Variants in FTO observed in about 807,000 individuals in gnomAD.
The protein encoded by FTO is FTO alpha-ketoglutarate dependent dioxygenase.
In FTO, 47 loss-of-function variants were observed where a neutral mutation model predicts 63.9. The observed-to-expected ratio is 0.74, with a 90% confidence interval of 0.58 to 0.94. The LOEUF is 0.94. Among genes scored for constraint, FTO ranks in the 40% least tolerant of loss-of-function variants. The probability of loss-of-function intolerance (pLI) is 0.00; values close to 1 mark genes in which losing one functional copy is unlikely to be tolerated. For synonymous variants in FTO, 207 were observed against 224.4 expected, an observed-to-expected ratio of 0.92 and a Z score of 0.69; for missense variants, 562 against 618.1, an observed-to-expected ratio of 0.91 and a Z score of 0.96.
intron 1 of FTO, among the ~76,000 whole-genome samples, chr16:53,792,994 T>G (rs1331235508): frequency 1.3e-5 from 2 of 152,190 alleles, no homozygotes; most frequent in Non-Finnish European, 2.9e-5. Flanking sequence ...GGAAGAATCT[T>G]GGGTAAGTGT....
chr16:54,115,724 C>T lies in FTO; in HGVS notation c.*3809C>T, dbSNP rs2086970278. On this transcript the variant is annotated 3_prime_UTR_variant, in exon 9 of 9. Transcript: ENST00000471389. ...CGGGAGCCGCTCGGGTTTTATTCCA[C>T]ACACCCCAGGAAGCATGAGAGGGTT... is the stretch of plus-strand genomic sequence containing the variant. 1 of 152,288 alleles carries T rather than the reference C, an allele frequency of 6.6e-6. No homozygotes were observed. The highest frequency in any genetic ancestry group is 2.4e-5 in the African/African-American group (1 of 41,422). 9.4% of individuals were successfully genotyped at this position (152,288 alleles called of 1,614,324 possible).
Position 53,998,009 on chromosome 16 carries a change from G to A in FTO, c.1364+63900G>A, listed in dbSNP as rs562860537. On this transcript the variant is annotated intron_variant, in intron 8 of 8. Transcript: ENST00000471389. ...CTGTCCAAGATGGGGCCACTGTCTA[G>A]CGCACTTCCTAGGATAGATTTGTCC... Among the ~76,000 whole-genome samples the A allele has an allele frequency of 1.7e-3, 266 of 152,240 alleles. 1 individual carries two copies. The highest frequency in any genetic ancestry group is 3.3e-3 in the Admixed American group (51 of 15,300).
intron 8 of FTO, among the ~76,000 whole-genome samples, chr16:54,002,122 T>C (rs536379573): frequency 3.2e-4 from 49 of 152,338 alleles, no homozygotes; most frequent in African/African-American, 1.1e-3. Flanking sequence ...TAAAGCTAAA[T>C]GCATGTTTAT....
In FTO at chr16:53,946,188, A is replaced by G. The variant is rs527424262; in HGVS notation, c.1364+12079A>G. Reference sequence around the variant, plus strand: ...GGACAAAAAAAACAAAACCAAACAAATCAGAAAACAAAAAAAAATAGTTGA... The same window carrying G: ...GGACAAAAAAAACAAAACCAAACAAGTCAGAAAACAAAAAAAAATAGTTGA... On this transcript the variant is annotated intron_variant, in intron 8 of 8. Coordinates refer to ENST00000471389, the MANE Select transcript of FTO (RefSeq NM_001080432.3). Among the ~76,000 whole-genome samples, 3 of 151,970 alleles carry G rather than the reference A, an allele frequency of 2.0e-5. 1 individual carries two copies. Among genetic ancestry groups the G allele is most frequent in the African/African-American group, 7.3e-5 (3 of 41,232 alleles).
At position 53,830,354 on chromosome 16, in the gene FTO, A is replaced by G. The variant is rs117706215; in HGVS notation, c.751+3863A>G. 6.4e-4 allele frequency among the ~76,000 whole-genome samples: 97 copies of G among 152,284 alleles called. No homozygotes were observed. The East Asian group carries it at 0.016, about 25-fold the overall frequency. ...TTGCTTGTTACTCCTAGCTATAAAA[A>G]ACGAACTTTAGCGGGGAAGGCATTA... is the stretch of plus-strand genomic sequence containing the variant. On this transcript the variant is annotated intron_variant, in intron 3 of 8. Coordinates refer to ENST00000471389, the MANE Select transcript of FTO (RefSeq NM_001080432.3).
intron 7 of FTO, among the ~76,000 whole-genome samples, chr16:53,895,386 A>C (rs2081254784): frequency 6.6e-6 from 1 of 152,176 alleles, no homozygotes; most frequent in African/African-American, 2.4e-5. Context: ...TGTGCTTCGA[A>C]AGCACAAAGG....
Position 54,120,535 on chromosome 16 carries a change from C to A in FTO, c.*8620C>A, listed in dbSNP as rs1378398842. The A allele has an allele frequency of 6.6e-6, 1 of 152,174 alleles. No homozygotes were observed. The highest frequency in any genetic ancestry group is 2.4e-5 in the African/African-American group (1 of 41,416). 9.4% of individuals were successfully genotyped at this position (152,174 alleles called of 1,614,324 possible). A position where few individuals can be genotyped will look rare whatever the true frequency, so the allele number is the denominator to read the frequency against. ...GTTACCACATTTGCAAAGGCACATA[C>A]CCCAAAGAGAAGTTTTTAATATGTC... On this transcript the variant is annotated 3_prime_UTR_variant, in exon 9 of 9. Transcript: ENST00000471389.
At chr16:54,084,846 A>G (rs2086226414) in intron 8 of FTO, among the ~76,000 whole-genome samples, 1 of 152,218 alleles carries the variant, frequency 6.6e-6, no homozygotes, top group African/African-American at 2.4e-5. Flanking sequence ...TGCCTGGGAG[A>G]CTGGGTCTGT....
chr16:54,072,884 C>T (rs1190318404), intron 8 of FTO, among the ~76,000 whole-genome samples: 1 of 152,154 alleles, frequency 6.6e-6, no homozygotes, highest in Non-Finnish European at 1.5e-5. Flanking sequence ...TCTAAATCAT[C>T]CCCTGCTATT....
chr16:53,804,396 T>A (rs773777514), intron 1 of FTO, among the ~76,000 whole-genome samples: 3 of 152,196 alleles, frequency 2.0e-5, no homozygotes, highest in African/African-American at 4.8e-5. Context: ...GCGAGTTTGC[T>A]TCCGATGTGG....
At chr16:54,109,909 C>T (rs1383577931) in intron 8 of FTO, among the ~76,000 whole-genome samples, 6 of 152,098 alleles carry the variant, frequency 3.9e-5, no homozygotes, top group Admixed American at 6.6e-5. Flanking sequence ...AATGTGTGCA[C>T]GGACAATTTA....
intron 1 of FTO, among the ~76,000 whole-genome samples, chr16:53,736,146 G>T (rs2076386287): frequency 6.6e-6 from 1 of 152,202 alleles, no homozygotes; most frequent in Non-Finnish European, 1.5e-5. Flanking sequence ...AGCTGGTAGA[G>T]TTGAGGGTTT....
chr16:54,091,523 A>G (rs1212489505), intron 8 of FTO, among the ~76,000 whole-genome samples: 1 of 152,220 alleles, frequency 6.6e-6, no homozygotes, highest in Non-Finnish European at 1.5e-5. Context: ...GCCTGGTGAC[A>G]GAGAGAGACC....
At chr16:53,905,106 G>A (rs115536593) in intron 7 of FTO, among the ~76,000 whole-genome samples, 104 of 152,176 alleles carry the variant, frequency 6.8e-4, no homozygotes, top group African/African-American at 2.5e-3. Flanking sequence ...ATTCTCAGGA[G>A]TTGGGGGCCT....
chr16:53,894,405 C>T (rs577292676), intron 7 of FTO, among the ~76,000 whole-genome samples: 23 of 152,256 alleles, frequency 1.5e-4, no homozygotes, highest in Admixed American at 3.3e-4. Flanking sequence ...CATCACAGTG[C>T]TTTAGATTAA....
chr16:53,872,325 G>C (rs1046203917), intron 4 of FTO, among the ~76,000 whole-genome samples: 4 of 152,212 alleles, frequency 2.6e-5, no homozygotes, highest in African/African-American at 7.2e-5. Flanking sequence ...GAACCTTCCT[G>C]CAGTCTGTTT....
At chr16:53,934,160 T>C (rs1260466684) in intron 8 of FTO, 51 bp downstream of exon 8, 1 of 1,607,426 alleles carries the variant, frequency 6.2e-7, no homozygotes, top group East Asian at 2.2e-5. Flanking sequence ...ACAAGAACTA[T>C]ATTTGGCCAA....
chr16:53,767,018 A>G lies in FTO; in HGVS notation c.46-43122A>G, dbSNP rs149605367. Among the ~76,000 whole-genome samples, 15 of 152,294 alleles carry G rather than the reference A, an allele frequency of 9.8e-5. No homozygotes were observed. In the East Asian group the frequency reaches 2.1e-3, roughly 22 times the overall value. On this transcript the variant is annotated intron_variant, in intron 1 of 8. Coordinates refer to ENST00000471389, the MANE Select transcript of FTO (RefSeq NM_001080432.3). The stretch of plus-strand genomic sequence containing the variant: ...ATAAAGGTAATATTGATTTTATAGT[A>G]GCAGTTCAGGTCCTAAGGCATGATA...
At chr16:54,021,443 T>G (rs1162876774) in intron 8 of FTO, among the ~76,000 whole-genome samples, 1 of 151,646 alleles carries the variant, frequency 6.6e-6, no homozygotes, top group Non-Finnish European at 1.5e-5. Flanking sequence ...GGCCATTAGA[T>G]TACATGGCCT....
Sources: allele counts gnomAD v4.1 joint callset (sites outside exome capture counted in the v4.1 genomes callset), GRCh38; gene constraint gnomAD v4.1.1; transcripts MANE v1.5; gene names NCBI Gene and HGNC (gene_info 2026-07-23, HGNC 2026-07-21).